The following ATP8A2 variants were observed in gnomAD, a reference collection of about 807,000 sequenced individuals.
ATP8A2 encodes phospholipid-transporting ATPase IB.
A neutral mutation model predicts 165.6 loss-of-function variants in ATP8A2; 100 were observed. The ratio of observed to expected loss-of-function variants is 0.60; its 90% CI spans 0.51 to 0.71. ATP8A2 has a LOEUF of 0.71. ATP8A2 is among the 30% of genes least tolerant of loss of function. ATP8A2 has a pLI of 0.00. For synonymous variants in ATP8A2, 543 were observed against 548.8 expected, an observed-to-expected ratio of 0.99 and a Z score of 0.15; for missense variants, 1,227 against 1,479.5, an observed-to-expected ratio of 0.83 and a Z score of 2.80.
chr13:25,798,505 T>C (rs4770880), intron 27 of ATP8A2, among the ~76,000 whole-genome samples: 23,267 of 151,942 alleles, frequency 0.15, 1,978 homozygotes, highest in Admixed American at 0.23. Context: ...TATCTTCTTA[T>C]AGATGGCTTT....
intron 25 of ATP8A2, among the ~76,000 whole-genome samples, chr13:25,766,247 C>T (rs1442931012): frequency 6.6e-6 from 1 of 152,164 alleles, no homozygotes; most frequent in East Asian, 1.9e-4. Context: ...AGTGTCTCAG[C>T]AATTCCTTTG....
chr13:25,805,022 G>A (rs747008255), intron 27 of ATP8A2, among the ~76,000 whole-genome samples: 2 of 152,178 alleles, frequency 1.3e-5, no homozygotes, highest in Non-Finnish European at 2.9e-5. Context: ...TCAGTTGCCA[G>A]CTTCTGTTTT....
intron 8 of ATP8A2, 52 bp from the exon 9 acceptor site, chr13:25,541,867 C>G (rs1172799842): frequency 6.2e-7 from 1 of 1,607,022 alleles, no homozygotes; most frequent in Non-Finnish European, 8.5e-7. Context: ...TGAATGGTGT[C>G]CCTAAGCACA....
intron 5 of ATP8A2, among the ~76,000 whole-genome samples, chr13:25,533,016 C>CT (rs1319617528): frequency 2.6e-5 from 4 of 151,628 alleles, no homozygotes; most frequent in Admixed American, 2.0e-4. Flanking sequence ...TTCTTCTGGG[C>CT]TGAAAATAAG....
intron 33 of ATP8A2, among the ~76,000 whole-genome samples, chr13:25,895,020 C>G (rs1953490563): frequency 6.6e-6 from 1 of 152,144 alleles, no homozygotes; most frequent in Non-Finnish European, 1.5e-5. Flanking sequence ...ATTGAATGCC[C>G]TTTATTCCCT....
intron 24 of ATP8A2, among the ~76,000 whole-genome samples, chr13:25,598,174 G>A (rs1157919290): frequency 6.6e-6 from 1 of 152,116 alleles, no homozygotes; most frequent in Non-Finnish European, 1.5e-5. Flanking sequence ...GAAACCTATT[G>A]AGCATATATG....
At chr13:25,532,525 T>C (rs1233340643) in intron 5 of ATP8A2, among the ~76,000 whole-genome samples, 1 of 152,260 alleles carries the variant, frequency 6.6e-6, no homozygotes, top group Non-Finnish European at 1.5e-5. Flanking sequence ...TTTAGAATGT[T>C]AGAAAAGGTT....
At chr13:25,630,688 T>C (rs982369401) in intron 24 of ATP8A2, among the ~76,000 whole-genome samples, 25 of 152,314 alleles carry the variant, frequency 1.6e-4, no homozygotes, top group African/African-American at 6.0e-4. Context: ...TTGATACATG[T>C]AAAATATGCT....
At chr13:25,822,926 A>G (rs80180279) in intron 27 of ATP8A2, among the ~76,000 whole-genome samples, 1,540 of 152,368 alleles carry the variant, frequency 0.01, 18 homozygotes, top group African/African-American at 0.035. Context: ...AATACTACAT[A>G]TTCTTTTCCA....
chr13:25,974,009 G>A (rs552049284), intron 35 of ATP8A2, among the ~76,000 whole-genome samples: 1 of 152,204 alleles, frequency 6.6e-6, no homozygotes, highest in Non-Finnish European at 1.5e-5. Context: ...GGTGGCAAAT[G>A]TCTGCTTCCA....
intron 27 of ATP8A2, among the ~76,000 whole-genome samples, chr13:25,826,802 T>C (rs1951329030): frequency 6.6e-6 from 1 of 151,588 alleles, no homozygotes; most frequent in African/African-American, 2.4e-5. Context: ...ATTTTCATGT[T>C]TGCTTCCTTC....
At chr13:25,941,947 G>A (rs1196415330) in intron 33 of ATP8A2, among the ~76,000 whole-genome samples, 1 of 152,046 alleles carries the variant, frequency 6.6e-6, no homozygotes, top group South Asian at 2.1e-4. Context: ...AAATGCTCTC[G>A]TTACTTTACT....
intron 1 of ATP8A2, among the ~76,000 whole-genome samples, chr13:25,440,291 T>C (rs139983017): frequency 1.9e-3 from 292 of 152,288 alleles, no homozygotes; most frequent in Non-Finnish European, 3.0e-3. Flanking sequence ...TGTCAGGATA[T>C]ACCACTGAGT....
chr13:25,489,068 G>T (rs931242470), intron 2 of ATP8A2, among the ~76,000 whole-genome samples: 3 of 151,870 alleles, frequency 2.0e-5, no homozygotes, highest in Non-Finnish European at 4.4e-5. Flanking sequence ...CACTGGCGCT[G>T]GTTCAGTCTC....
chr13:25,835,850 C>T (rs1458189243), intron 28 of ATP8A2, among the ~76,000 whole-genome samples: 1 of 152,162 alleles, frequency 6.6e-6, no homozygotes, highest in Non-Finnish European at 1.5e-5. Context: ...CAGCCACCAT[C>T]CTGTGTATCT....
chr13:25,978,705 G>T (rs2139246669), intron 35 of ATP8A2, among the ~76,000 whole-genome samples: 1 of 152,296 alleles, frequency 6.6e-6, no homozygotes, highest in African/African-American at 2.4e-5. Context: ...ATTTTGGGAG[G>T]CTGAGGCGGG....
intron 25 of ATP8A2, among the ~76,000 whole-genome samples, chr13:25,759,640 T>C (rs2044339715): frequency 6.6e-6 from 1 of 152,186 alleles, no homozygotes; most frequent in Non-Finnish European, 1.5e-5. Context: ...CATTAAGGTA[T>C]TTAGATGTGT....
intron 33 of ATP8A2, among the ~76,000 whole-genome samples, chr13:25,932,197 ATGT>A (rs1377554755): frequency 1.3e-5 from 2 of 152,132 alleles, no homozygotes; most frequent in Non-Finnish European, 2.9e-5. Context: ...GGCTGAGCAG[ATGT>A]TGTGCTGAAT....
At chr13:25,833,638 G>C (rs1296317623) in intron 28 of ATP8A2, among the ~76,000 whole-genome samples, 1 of 151,888 alleles carries the variant, frequency 6.6e-6, no homozygotes, top group Non-Finnish European at 1.5e-5. Flanking sequence ...TATCACAATT[G>C]GCTCTTTATC....
Sources: allele counts gnomAD v4.1 joint callset (sites outside exome capture counted in the v4.1 genomes callset), GRCh38; gene constraint gnomAD v4.1.1; transcripts MANE v1.5; gene names NCBI Gene and HGNC (gene_info 2026-07-23, HGNC 2026-07-21).